Variants in GPHN observed in about 807,000 individuals in gnomAD.
GPHN encodes the protein gephyrin.
Under a neutral mutation model 95.5 loss-of-function variants are expected in GPHN, and 17 were observed. That is an observed-to-expected ratio of 0.18 (90% CI 0.12 to 0.27). The LOEUF (loss-of-function observed/expected upper bound fraction) is 0.27. Ranked by LOEUF, GPHN falls within the 10% of genes least tolerant of loss-of-function variation. The pLI is 1.00. For missense variants in GPHN, 660 were observed against 978.1 expected, an observed-to-expected ratio of 0.67 and a Z score of 4.34; for synonymous variants, 320 against 322.5, an observed-to-expected ratio of 0.99 and a Z score of 0.08.
At chr14:67,417,366 C>T in the GPHN span, among the ~76,000 whole-genome samples, 2 of 152,286 alleles carry the variant, frequency 1.3e-5, no homozygotes, top group South Asian at 4.1e-4. Flanking sequence ...CATTTCCACT[C>T]GATCCCACGT....
intron 2 of GPHN, among the ~76,000 whole-genome samples, chr14:66,753,726 T>C (rs1016850702): frequency 1.3e-5 from 2 of 152,116 alleles, no homozygotes; most frequent in Non-Finnish European, 2.9e-5. Flanking sequence ...ATACCTTATA[T>C]ATCATAAAAT....
intron 11 of GPHN, among the ~76,000 whole-genome samples, chr14:67,081,692 G>C (rs1416681751): frequency 6.6e-6 from 1 of 152,138 alleles, no homozygotes; most frequent in African/African-American, 2.4e-5. Context: ...GTCTAGAAGG[G>C]TTTTTCTGAT....
chr14:67,343,405 T>C, the GPHN span: 10 of 1,611,926 alleles, frequency 6.2e-6, no homozygotes, highest in African/African-American at 1.2e-4. Context: ...CTGTTGGTTA[T>C]CTTAATAGCT....
the GPHN span, chr14:67,586,046 C>G: frequency 6.2e-7 from 1 of 1,613,874 alleles, no homozygotes; most frequent in Non-Finnish European, 8.5e-7. Flanking sequence ...CAGACAAGAG[C>G]TCTGGAAAAA....
At chr14:67,259,023 A>G in the GPHN span, among the ~76,000 whole-genome samples, 1 of 149,852 alleles carries the variant, frequency 6.7e-6, no homozygotes, top group Non-Finnish European at 1.5e-5. Context: ...TTGTATTTTT[A>G]GTAGAGACAG....
the GPHN span, among the ~76,000 whole-genome samples, chr14:67,667,269 C>T: frequency 6.6e-6 from 1 of 152,078 alleles, no homozygotes; most frequent in African/African-American, 2.4e-5. Context: ...TAATCTTGGC[C>T]CTTTAAAGTT....
At chr14:67,390,142 T>C in the GPHN span, among the ~76,000 whole-genome samples, 2 of 152,260 alleles carry the variant, frequency 1.3e-5, no homozygotes, top group African/African-American at 4.8e-5. Flanking sequence ...TGGTAATACC[T>C]AGTATCAGAA....
the GPHN span, chr14:67,562,669 G>A: frequency 0.082 from 131,478 of 1,612,050 alleles, 6,381 homozygotes; most frequent in African/African-American, 0.21. Flanking sequence ...GCCGTGTGGT[G>A]AACATTGAGA....
intron 1 of GPHN, among the ~76,000 whole-genome samples, chr14:66,615,729 C>T (rs1462954033): frequency 6.6e-6 from 1 of 151,964 alleles, no homozygotes; most frequent in African/African-American, 2.4e-5. Context: ...AATTAGATCC[C>T]ATTTGTCAAT....
chr14:67,262,673 G>T, the GPHN span, among the ~76,000 whole-genome samples: 1 of 152,050 alleles, frequency 6.6e-6, no homozygotes, highest in Non-Finnish European at 1.5e-5. Flanking sequence ...AATCTGTTTT[G>T]TTGTTCTTTT....
the GPHN span, chr14:67,473,849 C>T: frequency 2.1e-5 from 34 of 1,613,142 alleles, no homozygotes; most frequent in South Asian, 3.2e-4. This position sits in a 1 kb window ranked among gnomAD's most constrained non-coding sequence, Gnocchi z 6.5. Context: ...CTGTGAACAT[C>T]ACCTCGCAGA....
intron 2 of GPHN, among the ~76,000 whole-genome samples, chr14:66,718,264 C>G (rs918396917): frequency 6.6e-6 from 1 of 152,028 alleles, no homozygotes; most frequent in African/African-American, 2.4e-5. Flanking sequence ...GGAGTTTCTT[C>G]CTTCTGGTGG....
chr14:67,000,855 C>T (rs2072168656), intron 9 of GPHN, among the ~76,000 whole-genome samples: 1 of 151,670 alleles, frequency 6.6e-6, no homozygotes, highest in South Asian at 2.1e-4. Context: ...CTAATTAAAG[C>T]ATTCTTTAAA....
At chr14:67,449,747 T>G in the GPHN span, among the ~76,000 whole-genome samples, 1 of 152,156 alleles carries the variant, frequency 6.6e-6, no homozygotes, top group Non-Finnish European at 1.5e-5. Flanking sequence ...GGGTGGGTAT[T>G]TCTCGTGCTG....
the GPHN span, among the ~76,000 whole-genome samples, chr14:67,665,562 T>C: frequency 4.6e-5 from 7 of 152,282 alleles, no homozygotes; most frequent in Non-Finnish European, 1.0e-4. Flanking sequence ...CCACCACACC[T>C]GTCCTTGTAT....
At chr14:66,740,145 G>A (rs1255371119) in intron 2 of GPHN, among the ~76,000 whole-genome samples, 2 of 152,082 alleles carry the variant, frequency 1.3e-5, no homozygotes, top group East Asian at 3.8e-4. Context: ...GTGTATTTAT[G>A]ATATATCTCA....
chr14:67,257,079 A>G, the GPHN span, among the ~76,000 whole-genome samples: 1 of 152,078 alleles, frequency 6.6e-6, no homozygotes, highest in Non-Finnish European at 1.5e-5. Flanking sequence ...ATCCGGTAAG[A>G]CGGAACAACT....
the GPHN span, chr14:67,662,649 T>TA: frequency 1.2e-4 from 116 of 955,778 alleles, no homozygotes; most frequent in Non-Finnish European, 1.7e-4. Flanking sequence ...CTCATGCCTG[T>TA]AATCCCAGCA....
chr14:66,903,040 C>T (rs546854825), intron 5 of GPHN, among the ~76,000 whole-genome samples: 2 of 152,190 alleles, frequency 1.3e-5, no homozygotes, highest in South Asian at 2.1e-4. Context: ...CCTCCCAAGA[C>T]TAAACCAGGA....
Sources: allele counts gnomAD v4.1 joint callset (sites outside exome capture counted in the v4.1 genomes callset), GRCh38; gene constraint gnomAD v4.1.1; non-coding constraint Gnocchi (gnomAD v3.1); transcripts MANE v1.5; gene names NCBI Gene and HGNC (gene_info 2026-07-23, HGNC 2026-07-21).